Variants in BLOC1S5 observed in about 807,000 individuals in gnomAD.
BLOC1S5 encodes the protein biogenesis of lysosome-related organelles complex 1 subunit 5.
In BLOC1S5, 27 loss-of-function variants were observed where a neutral mutation model predicts 24.3. The observed-to-expected ratio is 1.11, with a 90% CI of 0.82 to 1.53. The LOEUF (loss-of-function observed/expected upper bound fraction) is 1.53, where lower values mean the gene tolerates loss of function less well. BLOC1S5 is among the 40% of genes most tolerant of loss of function. BLOC1S5 has a pLI of 0.00. For synonymous variants in BLOC1S5, 84 were observed against 74.5 expected (o/e 1.13, Z -0.66); for missense variants, 239 against 229.4 (o/e 1.04, Z -0.27).
intron 2 of BLOC1S5, among the ~76,000 whole-genome samples, chr6:8,047,353 G>A (rs1165750022): frequency 2.0e-5 from 3 of 151,850 alleles, no homozygotes; most frequent in Admixed American, 6.6e-5. Flanking sequence ...GGCTACAGGC[G>A]CACATTATGA....
intron 2 of BLOC1S5, among the ~76,000 whole-genome samples, chr6:8,048,656 A>T (rs2113581746): frequency 6.6e-6 from 1 of 152,312 alleles, no homozygotes; most frequent in East Asian, 1.9e-4. Context: ...ATATTTTTTA[A>T]CTTTTTCTTT....
intron 2 of BLOC1S5, among the ~76,000 whole-genome samples, chr6:8,060,536 G>A (rs1293846694): frequency 6.6e-6 from 1 of 152,200 alleles, no homozygotes; most frequent in East Asian, 1.9e-4. Flanking sequence ...AAATTAAGGA[G>A]ACCAGGTAGG....
chr6:8,034,867 A>T (rs1379885877), intron 3 of BLOC1S5, among the ~76,000 whole-genome samples: 1 of 152,162 alleles, frequency 6.6e-6, no homozygotes, highest in Non-Finnish European at 1.5e-5. Flanking sequence ...ACAATTCTCA[A>T]CTGCAAAAAT....
intron 2 of BLOC1S5, among the ~76,000 whole-genome samples, chr6:8,058,588 G>C (rs1764405026): frequency 6.6e-6 from 1 of 152,254 alleles, no homozygotes; most frequent in Admixed American, 6.5e-5. Context: ...TACTTGGGAG[G>C]CTGAAGTAAG....
intron 3 of BLOC1S5, among the ~76,000 whole-genome samples, chr6:8,028,364 T>TA (rs200405748): frequency 0.25 from 36,163 of 145,898 alleles, 5,710 homozygotes; most frequent in East Asian, 0.72. Context: ...AGAAAATATT[T>TA]AAAAAAAAAA....
chr6:8,015,857 G>A (rs1762714114), intron 4 of BLOC1S5, 29 bp from the exon 5 acceptor site: 1 of 1,563,322 alleles, frequency 6.4e-7, no homozygotes, highest in Non-Finnish European at 8.7e-7. Flanking sequence ...AAAGTCACAC[G>A]ACATTTTCCA....
intron 2 of BLOC1S5, among the ~76,000 whole-genome samples, chr6:8,046,779 T>C (rs1763914015): frequency 6.6e-6 from 1 of 152,098 alleles, no homozygotes; most frequent in Non-Finnish European, 1.5e-5. Flanking sequence ...TGTTTGCTGT[T>C]GTAGAGACAG....
In BLOC1S5 at chr6:8,051,933, G is replaced by A. The variant is rs537880197; in HGVS notation, c.195+10601C>T. Among the ~76,000 whole-genome samples the A allele has an allele frequency of 1.8e-3, 275 of 150,176 alleles. 2 individuals are homozygous for A. Among genetic ancestry groups the A allele is most frequent in the Middle Eastern group, 7.3e-3 (2 of 274 alleles). Reference sequence around the variant, plus strand: ...CTGATGGAGATAGACAAGAAGATGCGTGTTGTTATTATGTCTGCTGATAGA... The same window carrying A: ...CTGATGGAGATAGACAAGAAGATGCATGTTGTTATTATGTCTGCTGATAGA... On this transcript the variant is annotated intron_variant, in intron 2 of 4. Transcript: ENST00000397457.
In BLOC1S5 at chr6:8,029,891, A is replaced by G. The variant is rs544093978; in HGVS notation, c.326-3466T>C. Among the ~76,000 whole-genome samples, 4 of 152,370 alleles carry G rather than the reference A, an allele frequency of 2.6e-5. No homozygotes were observed. In the East Asian group the frequency reaches 7.7e-4, roughly 29 times the overall value. On this transcript the variant is annotated intron_variant, in intron 3 of 4. Transcript: ENST00000397457. Reference sequence around the variant, plus strand: ...AAGACTCTCTAAGCAAATGTATCCAATAAAAACAGAAACAAGACAGAGGAG... The same window carrying G: ...AAGACTCTCTAAGCAAATGTATCCAGTAAAAACAGAAACAAGACAGAGGAG...
chr6:8,035,077 T>C (rs1213641031), intron 3 of BLOC1S5, among the ~76,000 whole-genome samples: 1 of 152,086 alleles, frequency 6.6e-6, no homozygotes, highest in Non-Finnish European at 1.5e-5. Flanking sequence ...TTATTCTAAG[T>C]AAAGTAACTC....
intron 4 of BLOC1S5, among the ~76,000 whole-genome samples, chr6:8,016,637 C>T (rs144616798): frequency 7.9e-5 from 12 of 151,836 alleles, no homozygotes; most frequent in Admixed American, 6.6e-5. Context: ...GAAGCTGAGG[C>T]GGGCAGATCA....
At chr6:8,022,364 G>A (rs796149072) in intron 4 of BLOC1S5, among the ~76,000 whole-genome samples, 22 of 151,302 alleles carry the variant, frequency 1.5e-4, no homozygotes, top group African/African-American at 5.1e-4. Context: ...CCTGGTCTAC[G>A]GGAAAACTCT....
intron 4 of BLOC1S5, among the ~76,000 whole-genome samples, chr6:8,017,038 T>A (rs6942086): frequency 0.086 from 13,040 of 152,064 alleles, 1,677 homozygotes; most frequent in African/African-American, 0.28. Context: ...AGCACCACAG[T>A]AATATAGATA....
intron 4 of BLOC1S5, among the ~76,000 whole-genome samples, chr6:8,025,792 T>C (rs1454407428): frequency 1.3e-5 from 2 of 152,200 alleles, no homozygotes; most frequent in African/African-American, 2.4e-5. Flanking sequence ...TATTCATTAG[T>C]TTAGAGCAAT....
intron 2 of BLOC1S5, among the ~76,000 whole-genome samples, chr6:8,043,616 C>T (rs1483320803): frequency 6.6e-6 from 1 of 152,160 alleles, no homozygotes; most frequent in African/African-American, 2.4e-5. Context: ...AGATGAGATT[C>T]TGGAACAGAA....
At chr6:8,028,899 A>G (rs1335734465) in intron 3 of BLOC1S5, among the ~76,000 whole-genome samples, 1 of 146,678 alleles carries the variant, frequency 6.8e-6, no homozygotes, top group Non-Finnish European at 1.5e-5. Context: ...TGCAACACTT[A>G]CTGGTTGTAA....
chr6:8,023,402 C>T (rs1307599959), intron 4 of BLOC1S5, among the ~76,000 whole-genome samples: 3 of 152,064 alleles, frequency 2.0e-5, no homozygotes, highest in Non-Finnish European at 4.4e-5. Context: ...CCAGCCTGAC[C>T]AACATGGTGA....
intron 2 of BLOC1S5, among the ~76,000 whole-genome samples, chr6:8,056,781 A>G (rs1303307636): frequency 6.6e-6 from 1 of 152,214 alleles, no homozygotes; most frequent in Non-Finnish European, 1.5e-5. Context: ...TCTGGGGAAA[A>G]AAATTCTTAA....
rs573448838 is a variant in BLOC1S5, at chr6:8,028,134, C to A, written c.326-1709G>T. 4.6e-5 allele frequency among the ~76,000 whole-genome samples: 7 copies of A among 152,248 alleles called. No homozygotes were observed. The South Asian group carries it at 1.5e-3, about 32-fold the overall frequency. ...TTTACAATTATGTCTTCCTACCCCA[C>A]CCCAATCCGGCCCCAACTAGGTCAC... On this transcript the variant is annotated intron_variant, in intron 3 of 4. Coordinates refer to ENST00000397457, the MANE Select transcript of BLOC1S5 (RefSeq NM_201280.3).
Sources: allele counts gnomAD v4.1 joint callset (sites outside exome capture counted in the v4.1 genomes callset), GRCh38; gene constraint gnomAD v4.1.1; transcripts MANE v1.5; gene names NCBI Gene and HGNC (gene_info 2026-07-23, HGNC 2026-07-21).